The following NARS1 variants were observed in gnomAD, a reference collection of about 807,000 sequenced individuals.
The protein encoded by NARS1 is asparagine--tRNA ligase, cytoplasmic.
In NARS1, 65 loss-of-function variants were observed where a neutral mutation model predicts 79.2. The observed-to-expected ratio is 0.82, with a 90% CI of 0.67 to 1.01. NARS1 has a LOEUF of 1.01. NARS1 is among the 50% of genes least tolerant of loss of function. The pLI is 0.00. For missense variants in NARS1, 649 were observed against 673.8 expected (o/e 0.96, Z 0.41); for synonymous variants, 229 against 238.8 (o/e 0.96, Z 0.38).
intron 11 of NARS1, among the ~76,000 whole-genome samples, chr18:57,603,619 C>G (rs2051528802): frequency 6.6e-6 from 1 of 152,166 alleles, no homozygotes. Context: ...AAAGTTAACA[C>G]AGAAGTTAAA....
intron 9 of NARS1, 69 bp from the exon 10 acceptor site, chr18:57,606,820 A>AAC: frequency 6.3e-7 from 1 of 1,587,156 alleles, no homozygotes; most frequent in South Asian, 1.1e-5. Flanking sequence ...CAAGGCTTTT[A>AAC]ACATTGGGAA....
intron 11 of NARS1, among the ~76,000 whole-genome samples, chr18:57,603,710 G>A (rs1391798141): frequency 6.6e-6 from 1 of 152,216 alleles, no homozygotes; most frequent in Non-Finnish European, 1.5e-5. Flanking sequence ...GAAGTGAAAT[G>A]GAGGTAGCAA....
At position 57,607,452 on chromosome 18, in the gene NARS1, AC is replaced by A; in HGVS notation, c.792del (p.Tyr265ThrfsTer9). ...GACGAATGCATACTTACTTCATAGT[AC>A]CCCCTATCAAAGAAGTGATCTCTAA... ...RCFRDHFFDRGYYEVTPPTLV... is the reference protein window; with the variant it reads ...RCFRDHFFDRXYYEVTPPTLV... On this transcript the variant is annotated frameshift_variant, in exon 8 of 14. Coordinates refer to ENST00000256854, the MANE Select transcript of NARS1 (RefSeq NM_004539.4). LOFTEE classifies it high-confidence loss of function. The A allele has an allele frequency of 1.2e-6, 2 of 1,613,962 alleles. No homozygotes were observed. The highest frequency in any genetic ancestry group is 1.7e-6 in the Non-Finnish European group (2 of 1,179,874).
At chr18:57,617,408 T>C (rs1249360070) in intron 2 of NARS1, among the ~76,000 whole-genome samples, 3 of 148,908 alleles carry the variant, frequency 2.0e-5, no homozygotes, top group African/African-American at 7.4e-5. Flanking sequence ...CCGTCTCCGC[T>C]AAAAATACAA....
chr18:57,619,954 T>C (rs1037516700), intron 2 of NARS1, among the ~76,000 whole-genome samples: 24 of 152,232 alleles, frequency 1.6e-4, no homozygotes, highest in African/African-American at 5.8e-4. Flanking sequence ...TCCCAAAGTG[T>C]TGAGATTATA....
rs1428300704 is a variant in NARS1, at chr18:57,600,691, A to C, written c.*961T>G. ...GGGTGTTCATTTATTGACTGCTGGG[A>C]ATACAGCCTATTGAGAATACATGAC... On this transcript the variant is annotated 3_prime_UTR_variant, in exon 14 of 14. Transcript: ENST00000256854. 5 of 152,212 alleles carry C rather than the reference A, an allele frequency of 3.3e-5. No homozygotes were observed. The highest frequency in any genetic ancestry group is 7.2e-5 in the African/African-American group (3 of 41,462). 9.4% of individuals were successfully genotyped at this position (152,212 alleles called of 1,614,324 possible). A position where few individuals can be genotyped will look rare whatever the true frequency, so the allele number is the denominator to read the frequency against.
At chr18:57,620,445 T>C (rs1908251738) in intron 2 of NARS1, 124 bp downstream of exon 2, 3 of 651,078 alleles carry the variant, frequency 4.6e-6, no homozygotes, top group African/African-American at 1.8e-5. Context: ...TTCCTTACTT[T>C]CCCTTTTCTG....
chr18:57,611,281 G>C (rs866890826), intron 6 of NARS1, among the ~76,000 whole-genome samples: 8 of 152,034 alleles, frequency 5.3e-5, no homozygotes, highest in Non-Finnish European at 1.2e-4. Flanking sequence ...ATTTTTCTTA[G>C]AGATGCATAA....
At chr18:57,614,683 T>C (rs964804767) in intron 4 of NARS1, among the ~76,000 whole-genome samples, 3 of 152,238 alleles carry the variant, frequency 2.0e-5, no homozygotes, top group African/African-American at 4.8e-5. Flanking sequence ...ACCTCTTCAT[T>C]TTATAAGCAA....
intron 7 of NARS1, among the ~76,000 whole-genome samples, chr18:57,608,448 A>AAAC (rs1390073082): frequency 1.1e-3 from 171 of 151,446 alleles, no homozygotes; most frequent in Non-Finnish European, 2.0e-3. Context: ...AAAAAAAAAA[A>AAAC]AAAAAAAAAA....
intron 8 of NARS1, 37 bp downstream of exon 8, chr18:57,607,407 A>C: frequency 6.2e-7 from 1 of 1,612,064 alleles, no homozygotes; most frequent in Non-Finnish European, 8.5e-7. Flanking sequence ...ACGGCAAAAA[A>C]CATATTCTTT....
rs1301648899 is a variant in NARS1, at chr18:57,602,394, T to G, written c.1476A>C (p.Glu492Asp). ...AGTAATAGGGAGTGGGGTCAATCCC[T>G]TCCCTTTTATAACCTGCCAGTATTT... ...SEEILAGYKREGIDPTPYYWY... is the reference protein window; with the variant it reads ...SEEILAGYKRDGIDPTPYYWY... Residue 492 changes from glutamate to aspartate, a missense_variant, in exon 13 of 14, where the codon GAA becomes GAC. Transcript: ENST00000256854. The G allele has an allele frequency of 3.1e-6, 5 of 1,613,738 alleles. No individual in the cohort carries two copies. The highest frequency in any genetic ancestry group is 3.4e-6 in the Non-Finnish European group (4 of 1,179,762).
At chr18:57,605,658 T>A (rs547170559) in intron 11 of NARS1, among the ~76,000 whole-genome samples, 199 bp downstream of exon 11, 6 of 151,082 alleles carry the variant, frequency 4.0e-5, no homozygotes, top group Non-Finnish European at 8.8e-5. Context: ...TTACGCTTAC[T>A]GGGTGGTACA....
At chr18:57,614,932 T>C (rs1351942402) in intron 4 of NARS1, among the ~76,000 whole-genome samples, 1 of 152,070 alleles carries the variant, frequency 6.6e-6, no homozygotes, top group East Asian at 1.9e-4. Flanking sequence ...TCCCAGCACT[T>C]TGGGAGGCTG....
At chr18:57,621,200 A>G (rs1476856980) in intron 1 of NARS1, among the ~76,000 whole-genome samples, 1 of 152,166 alleles carries the variant, frequency 6.6e-6, no homozygotes, top group Admixed American at 6.5e-5. Flanking sequence ...AGAAAATTTC[A>G]GAAGGCCTCA....
chr18:57,607,695 A>T (rs913568960), intron 7 of NARS1, 30 bp from the exon 8 acceptor site: 2 of 1,539,640 alleles, frequency 1.3e-6, no homozygotes, highest in Admixed American at 2.0e-5. Flanking sequence ...GGTCCAGAGA[A>T]AGAGGGAAAA....
At position 57,614,383 on chromosome 18, in the gene NARS1, C is replaced by T. The variant is rs1456636434; in HGVS notation, c.343-703G>A. The stretch of plus-strand genomic sequence containing the variant: ...AGGCGTGGTGGCAGGCACCTGTAAT[C>T]CCAGCTACTTGGGAGTCTGAGGCAG... On this transcript the variant is annotated intron_variant, in intron 4 of 13. Coordinates refer to ENST00000256854, the MANE Select transcript of NARS1 (RefSeq NM_004539.4). Among the ~76,000 whole-genome samples, 3 of 152,200 alleles carry T rather than the reference C, an allele frequency of 2.0e-5. No individual in the cohort carries two copies. The South Asian group carries it at 6.2e-4, about 32-fold the overall frequency.
Position 57,607,245 on chromosome 18 carries a change from G to C in NARS1, c.890C>G (p.Thr297Ser), listed in dbSNP as rs1231719921. 6.2e-7 allele frequency: 1 copy of C among 1,613,988 alleles called. No individual in the cohort carries two copies. The highest frequency in any genetic ancestry group is 1.3e-5 in the African/African-American group (1 of 74,912). The stretch of plus-strand genomic sequence containing the variant: ...CTCCAAGTACAACTGAGAGGATTGA[G>C]TCAAAAATGCCTCTTCCCCAAAATA... The part of the protein sequence containing the change: ...LDYFGEEAFL[T>S]QSSQLYLETC... The change falls in exon 9 of 14, where the codon ACT becomes AGT. Residue 297 changes from threonine to serine, a missense_variant. By Grantham distance (58) the Thr-to-Ser change is moderately conservative (BLOSUM62 1). Transcript: ENST00000256854.
Position 57,606,702 on chromosome 18 carries a change from G to A in NARS1, c.1051C>T (p.Leu351=), listed in dbSNP as rs1270264639. 6.2e-7 allele frequency: 1 copy of A among 1,614,142 alleles called. No individual in the cohort carries two copies. The highest frequency in any genetic ancestry group is 8.5e-7 in the Non-Finnish European group (1 of 1,180,018). ...ECPFLTFDDL[L]NRLEDLVCDV... The stretch of plus-strand genomic sequence containing the variant: ...CAAACCAAGTCCTCCAACCGGTTCA[G>A]GAGGTCGTCAAAAGTCAGGAAAGGA... Residue 351 remains leucine (L), a synonymous_variant, in exon 10 of 14, where the codon CTG becomes TTG. Transcript: ENST00000256854.
Sources: gnomAD v4.1 joint callset for allele counts (sites outside exome capture counted in the v4.1 genomes callset) on GRCh38, gnomAD v4.1.1 for gene constraint, MANE v1.5 for transcripts, NCBI Gene and HGNC (gene_info 2026-07-23, HGNC 2026-07-21) for gene names.